CCDC7: variants seen among roughly 807,000 people sequenced by gnomAD.
CCDC7 encodes the protein coiled-coil domain containing 7.
CCDC7 carries 183 observed loss-of-function variants against 196.9 expected under a neutral mutation model. That is an observed-to-expected ratio of 0.93 (90% CI 0.82 to 1.05). The LOEUF is 1.05. Among genes scored for constraint, CCDC7 ranks in the 50% least tolerant of loss-of-function variants. The pLI, the probability that CCDC7 is intolerant of heterozygous loss-of-function variation, is 0.00. For synonymous variants in CCDC7, 525 were observed against 484.6 expected, an observed-to-expected ratio of 1.08 and a Z score of -1.10; for missense variants, 1,540 against 1,482.2, an observed-to-expected ratio of 1.04 and a Z score of -0.64.
chr10:32,603,176 G>A (rs1462430020), intron 18 of CCDC7, among the ~76,000 whole-genome samples: 1 of 144,708 alleles, frequency 6.9e-6, no homozygotes, highest in African/African-American at 2.6e-5. Context: ...TTTTTTTTTA[G>A]CTCATACATA....
At chr10:32,860,727 A>G (rs2093950067) in intron 41 of CCDC7, among the ~76,000 whole-genome samples, 1 of 152,216 alleles carries the variant, frequency 6.6e-6, no homozygotes, top group Non-Finnish European at 1.5e-5. Context: ...CTCAGGATAA[A>G]AAAGCAATGT....
At chr10:32,644,836 C>T (rs2067465984) in intron 20 of CCDC7, among the ~76,000 whole-genome samples, 1 of 152,182 alleles carries the variant, frequency 6.6e-6, no homozygotes, top group South Asian at 2.1e-4. Flanking sequence ...GTCCATTAAA[C>T]CTCTTTCTTT....
At chr10:32,768,841 C>T (rs2078723972) in intron 28 of CCDC7, among the ~76,000 whole-genome samples, 1 of 152,024 alleles carries the variant, frequency 6.6e-6, no homozygotes, top group Non-Finnish European at 1.5e-5. Flanking sequence ...TATATTGAAC[C>T]ATCCTTGAAT....
chr10:32,801,743 A>G (rs1167129253), intron 29 of CCDC7, among the ~76,000 whole-genome samples: 2 of 152,126 alleles, frequency 1.3e-5, no homozygotes, highest in Non-Finnish European at 2.9e-5. Flanking sequence ...CACCTGCCCC[A>G]AGGGAGGCCA....
chr10:32,647,279 G>T (rs1293402420), intron 20 of CCDC7, among the ~76,000 whole-genome samples: 2 of 152,148 alleles, frequency 1.3e-5, no homozygotes, highest in Non-Finnish European at 2.9e-5. Context: ...GGCTGAGGTG[G>T]GTGGATCATT....
chr10:32,787,439 A>T (rs923412545), intron 29 of CCDC7, among the ~76,000 whole-genome samples: 6 of 152,364 alleles, frequency 3.9e-5, no homozygotes, highest in Middle Eastern at 3.4e-3. Flanking sequence ...CAGCACTTGA[A>T]TGTAACGCAG....
intron 41 of CCDC7, among the ~76,000 whole-genome samples, chr10:32,865,052 C>T (rs1459456841): frequency 6.6e-6 from 1 of 151,766 alleles, no homozygotes; most frequent in African/African-American, 2.4e-5. Context: ...TGCGACCTTA[C>T]TGATGGGAAA....
intron 3 of CCDC7, among the ~76,000 whole-genome samples, chr10:32,458,307 GT>G (rs2034807032): frequency 6.6e-6 from 1 of 151,794 alleles, no homozygotes; most frequent in African/African-American, 2.4e-5. Context: ...AATGTTCTTG[GT>G]GCTTTTGTTG....
chr10:32,611,442 G>A (rs934111065), intron 18 of CCDC7, among the ~76,000 whole-genome samples: 2 of 152,066 alleles, frequency 1.3e-5, no homozygotes, highest in African/African-American at 4.8e-5. Context: ...TTATTTGTCA[G>A]TTTTGGCTTT....
chr10:32,767,221 T>G (rs2078454024), intron 28 of CCDC7, among the ~76,000 whole-genome samples: 1 of 152,060 alleles, frequency 6.6e-6, no homozygotes, highest in Non-Finnish European at 1.5e-5. Flanking sequence ...GGGACACATA[T>G]GCACACCATA....
intron 18 of CCDC7, among the ~76,000 whole-genome samples, chr10:32,622,194 C>G (rs1335986152): frequency 2.6e-5 from 4 of 152,174 alleles, no homozygotes; most frequent in Admixed American, 2.6e-4. Context: ...GTTTCACTTA[C>G]AGCTTTAGAT....
At chr10:32,756,634 G>A (rs906234997) in intron 28 of CCDC7, among the ~76,000 whole-genome samples, 2 of 152,200 alleles carry the variant, frequency 1.3e-5, no homozygotes, top group African/African-American at 4.8e-5. Flanking sequence ...ACTGGTACCA[G>A]CCACTGGAAA....
chr10:32,697,556 G>A (rs1322266980), intron 24 of CCDC7, among the ~76,000 whole-genome samples: 1 of 152,166 alleles, frequency 6.6e-6, no homozygotes, highest in Non-Finnish European at 1.5e-5. Context: ...CCACACCCAT[G>A]GAGCCTTGCT....
intron 16 of CCDC7, among the ~76,000 whole-genome samples, chr10:32,577,146 G>A (rs189852543): frequency 2.0e-5 from 3 of 152,036 alleles, no homozygotes; most frequent in African/African-American, 2.4e-5. Context: ...GGCAGATCAC[G>A]AGGTCAAGAG....
chr10:32,873,573 T>C (rs548107165), intron 41 of CCDC7, among the ~76,000 whole-genome samples: 2 of 151,848 alleles, frequency 1.3e-5, no homozygotes, highest in South Asian at 4.2e-4. Context: ...TTCCATTCCT[T>C]ATTCTTTTCT....
intron 29 of CCDC7, among the ~76,000 whole-genome samples, chr10:32,784,071 G>T (rs2081434313): frequency 6.6e-6 from 1 of 151,996 alleles, no homozygotes; most frequent in Admixed American, 6.6e-5. Flanking sequence ...GGTGGTGATG[G>T]TTGCACAACA....
chr10:32,689,312 A>C (rs1273629704), intron 23 of CCDC7, 149 bp downstream of exon 24: 1 of 566,238 alleles, frequency 1.8e-6, no homozygotes, highest in African/African-American at 1.9e-5. Context: ...ATATTGATAC[A>C]TTTTGGTTGA....
chr10:32,781,966 C>T (rs1374825895), intron 29 of CCDC7, among the ~76,000 whole-genome samples: 1 of 152,172 alleles, frequency 6.6e-6, no homozygotes, highest in Non-Finnish European at 1.5e-5. Context: ...AGCAAAGTTG[C>T]AGGATACAAA....
rs185517361 is a variant in CCDC7, at chr10:32,549,106, G to C, written c.1134+4805G>C. Among the ~76,000 whole-genome samples, 142 of 152,172 alleles carry C rather than the reference G, an allele frequency of 9.3e-4. 1 individual carries two copies. The highest frequency in any genetic ancestry group is 1.7e-3 in the Non-Finnish European group (117 of 67,974). The stretch of plus-strand genomic sequence containing the variant: ...TTTGATTTTTTGATTATGGGCATTC[G>C]TGCAGGAGCAAGGTGGTATGGCATT... On this transcript the variant is annotated intron_variant, in intron 13 of 41. Transcript: ENST00000639629.
Sources: allele counts gnomAD v4.1 joint callset (sites outside exome capture counted in the v4.1 genomes callset), GRCh38; gene constraint gnomAD v4.1.1; transcripts MANE v1.5; gene names NCBI Gene and HGNC (gene_info 2026-07-23, HGNC 2026-07-21).